Variants in MORC2 observed in about 807,000 individuals in gnomAD.
MORC2 encodes ATPase MORC2.
Under a neutral mutation model 136.0 loss-of-function variants are expected in MORC2, and 30 were observed. The observed-to-expected ratio is 0.22, with a 90% CI of 0.17 to 0.30. MORC2 has a LOEUF of 0.30. MORC2 is among the 10% of genes least tolerant of loss of function. The pLI, the probability that MORC2 is intolerant of heterozygous loss-of-function variation, is 1.00. For synonymous variants in MORC2, 439 were observed against 487.0 expected, an observed-to-expected ratio of 0.90 and a Z score of 1.30; for missense variants, 922 against 1,333.1, an observed-to-expected ratio of 0.69 and a Z score of 4.80.
Position 30,925,389 on chromosome 22 carries a change from C to T in MORC2, c.*1414G>A. 2 of 198,736 alleles carry T rather than the reference C, an allele frequency of 1.0e-5. No individual in the cohort carries two copies. The highest frequency in any genetic ancestry group is 8.9e-5 in the South Asian group (1 of 11,228). The allele number at this position is 198,736 out of a possible 1,614,324, so 12.3% of individuals were successfully genotyped here. On this transcript the variant is annotated 3_prime_UTR_variant, in exon 26 of 26. Coordinates refer to ENST00000397641, the MANE Select transcript of MORC2 (RefSeq NM_001303256.3). ...GAGGCCAGGGTCTCTCAGTGTACTA[C>T]TCCAAACAGGCCTCTCCTAGAGATG...
chr22:30,927,447 C>T (rs2040503331), intron 25 of MORC2, among the ~76,000 whole-genome samples: 1 of 152,210 alleles, frequency 6.6e-6, no homozygotes, highest in African/African-American at 2.4e-5. Context: ...GCTCGTGTCA[C>T]ACTCTTTGCA....
chr22:30,958,164 C>T (rs186375533), intron 2 of MORC2, among the ~76,000 whole-genome samples: 1 of 152,214 alleles, frequency 6.6e-6, no homozygotes, highest in African/African-American at 2.4e-5. Context: ...CTTCCAAGCA[C>T]AGCTGCTAAC....
intron 10 of MORC2, 48 bp downstream of exon 10, chr22:30,940,710 T>A: frequency 6.5e-7 from 1 of 1,544,804 alleles, no homozygotes; most frequent in Non-Finnish European, 9.0e-7. Context: ...ACAAGCAGCA[T>A]ACCCCAGATG....
rs1208445642 is a variant in MORC2, at chr22:30,941,348, A to G, written c.824+85T>C. 4 of 1,555,534 alleles carry G rather than the reference A, an allele frequency of 2.6e-6. No homozygotes were observed. Among genetic ancestry groups the G allele is most frequent in the Non-Finnish European group, 3.5e-6 (4 of 1,149,298 alleles). ...TCAGCACTGCCAGAGCCTCTTATACAGCATCCCTCTAACAATGCCCCAGAG... is the reference window on the plus strand; with the variant it reads ...TCAGCACTGCCAGAGCCTCTTATACGGCATCCCTCTAACAATGCCCCAGAG... On this transcript the variant is annotated intron_variant, in intron 9 of 25. Coordinates refer to ENST00000397641, the MANE Select transcript of MORC2 (RefSeq NM_001303256.3). The surrounding 1 kb of genome is among the most constrained non-coding windows in gnomAD (Gnocchi z 4.6).
chr22:30,928,990 T>C (rs1347155908), intron 24 of MORC2, among the ~76,000 whole-genome samples: 1 of 152,266 alleles, frequency 6.6e-6, no homozygotes, highest in Non-Finnish European at 1.5e-5. Flanking sequence ...AGCTGGCTGC[T>C]GCAGTCTTAT....
chr22:30,945,936 T>C (rs2040809464), intron 6 of MORC2, among the ~76,000 whole-genome samples: 1 of 152,136 alleles, frequency 6.6e-6, no homozygotes, highest in Non-Finnish European at 1.5e-5. Flanking sequence ...TCATAGCACA[T>C]TCCACAAAAT....
chr22:30,934,117 C>T lies in MORC2; in HGVS notation c.2268G>A (p.Lys756=). The T allele has an allele frequency of 6.2e-7, 1 of 1,614,194 alleles. No individual in the cohort carries two copies. Among genetic ancestry groups the T allele is most frequent in the Non-Finnish European group, 8.5e-7 (1 of 1,180,030 alleles). Residue 756 remains lysine, a synonymous_variant, in exon 20 of 26, where the codon AAG becomes AAA. Transcript: ENST00000397641. The surrounding 1 kb of genome is among the most constrained non-coding windows in gnomAD (Gnocchi z 4.4). The stretch of plus-strand genomic sequence containing the variant: ...CAAATCTGCCCCGCTTGCACCTCTC[C>T]TTCCTCCTCTCAGCTTCCTCCTCAA... The part of the protein sequence containing the change: ...EEVEEEAERR[K]ERCKRGRFVV...
At chr22:30,953,837 C>T (rs2040926920) in intron 3 of MORC2, among the ~76,000 whole-genome samples, 1 of 152,162 alleles carries the variant, frequency 6.6e-6, no homozygotes, top group South Asian at 2.1e-4. Flanking sequence ...GAGAGGCTGG[C>T]TCCTTTTTTG....
chr22:30,951,693 C>T (rs1045081686), intron 3 of MORC2, among the ~76,000 whole-genome samples: 1 of 152,362 alleles, frequency 6.6e-6, no homozygotes, highest in South Asian at 2.1e-4. Context: ...TTTTGTACAA[C>T]TATCTAAGCT....
At chr22:30,950,536 G>A in intron 3 of MORC2, 91 bp from the exon 4 acceptor site, 1 of 1,277,430 alleles carries the variant, frequency 7.8e-7, no homozygotes, top group Middle Eastern at 1.8e-4. Flanking sequence ...TGTGAAGCTT[G>A]GTCCAAAAAG....
intron 6 of MORC2, among the ~76,000 whole-genome samples, chr22:30,944,240 C>G (rs1340280050): frequency 6.6e-6 from 1 of 152,194 alleles, no homozygotes; most frequent in African/African-American, 2.4e-5. Flanking sequence ...CCTAGCCTCT[C>G]CACCACGGGA....
chr22:30,958,358 C>T (rs1428306610), intron 2 of MORC2, among the ~76,000 whole-genome samples: 1 of 152,146 alleles, frequency 6.6e-6, no homozygotes, highest in Admixed American at 6.5e-5. Flanking sequence ...CATTTTACTA[C>T]AATTATCTTG....
At chr22:30,954,668 CTGAG>C (rs1418941304) in intron 3 of MORC2, among the ~76,000 whole-genome samples, 1 of 152,192 alleles carries the variant, frequency 6.6e-6, no homozygotes, top group Non-Finnish European at 1.5e-5. Flanking sequence ...CAACTTCATT[CTGAG>C]TGTCAGGAAC....
intron 6 of MORC2, among the ~76,000 whole-genome samples, chr22:30,942,867 T>C (rs937722222): frequency 6.6e-6 from 1 of 152,052 alleles, no homozygotes; most frequent in African/African-American, 2.4e-5. Context: ...TAGCCGGGCG[T>C]GGCAGCGTGC....
intron 3 of MORC2, among the ~76,000 whole-genome samples, chr22:30,954,333 T>C (rs1404644036): frequency 6.6e-6 from 1 of 152,102 alleles, no homozygotes; most frequent in African/African-American, 2.4e-5. Context: ...GGCCCTGTGG[T>C]AGAAAAGTGT....
At chr22:30,930,134 G>A (rs927228851) in intron 24 of MORC2, 2 of 152,320 alleles carry the variant, frequency 1.3e-5, no homozygotes, top group African/African-American at 4.8e-5. Context: ...TGGGATTACA[G>A]GCCTGAGCCT....
intron 5 of MORC2, among the ~76,000 whole-genome samples, chr22:30,948,820 G>A (rs1263274401): frequency 1.3e-5 from 2 of 152,162 alleles, no homozygotes; most frequent in African/African-American, 2.4e-5. Context: ...GAGATTATTC[G>A]TGTGCCTGGC....
At chr22:30,936,236 A>G (rs552224340) in intron 17 of MORC2, among the ~76,000 whole-genome samples, 1 of 152,246 alleles carries the variant, frequency 6.6e-6, no homozygotes, top group South Asian at 2.1e-4. Flanking sequence ...CAGAATTTTT[A>G]TTTTCTAGAG....
rs758734589 is a variant in MORC2 at position 30,933,755 on chromosome 22, T to C, written c.2326-235A>G. Among the ~76,000 whole-genome samples the C allele has an allele frequency of 5.9e-5, 9 of 152,194 alleles. No homozygotes were observed. Among genetic ancestry groups the C allele is most frequent in the Non-Finnish European group, 1.2e-4 (8 of 68,040 alleles). ...GGACATGTGTTTCAAGCCTCACTGA[T>C]GTACGTCTGTGTGACTTCAGGCCTG... On this transcript the variant is annotated intron_variant, in intron 20 of 25. Transcript: ENST00000397641.
Sources: allele counts gnomAD v4.1 joint callset (sites outside exome capture counted in the v4.1 genomes callset), GRCh38; gene constraint gnomAD v4.1.1; non-coding constraint Gnocchi (gnomAD v3.1); transcripts MANE v1.5; gene names NCBI Gene and HGNC (gene_info 2026-07-23, HGNC 2026-07-21).